Variants in OPA1 observed in about 807,000 individuals in gnomAD.
OPA1 encodes the protein OPA1 mitochondrial dynamin like GTPase, also known as dynamin-like GTPase OPA1, mitochondrial.
A neutral mutation model predicts 152.9 loss-of-function variants in OPA1; 59 were observed. That is an observed-to-expected ratio of 0.39 (90% CI 0.31 to 0.48). The LOEUF is 0.48. Ranked by LOEUF, OPA1 falls within the 20% of genes least tolerant of loss-of-function variation. OPA1 has a pLI of 0.96. For missense variants in OPA1, 1,008 were observed against 1,216.8 expected, an observed-to-expected ratio of 0.83 and a Z score of 2.55; for synonymous variants, 400 against 389.9, an observed-to-expected ratio of 1.03 and a Z score of -0.31.
intron 26 of OPA1, among the ~76,000 whole-genome samples, chr3:193,664,255 CTAA>C (rs1354744532): frequency 6.6e-6 from 1 of 152,016 alleles, no homozygotes; most frequent in Non-Finnish European, 1.5e-5. Flanking sequence ...ATTATATTAG[CTAA>C]TAATATGTCC....
intron 19 of OPA1, 86 bp downstream of exon 19, chr3:193,647,266 T>C: frequency 1.2e-6 from 1 of 822,286 alleles, no homozygotes; most frequent in East Asian, 2.7e-5. Context: ...CTGTACTTCT[T>C]TCCTTTAACA....
intron 2 of OPA1, 150 bp from the exon 3 acceptor site, chr3:193,615,524 G>C: frequency 1.5e-6 from 1 of 654,948 alleles, no homozygotes; most frequent in Non-Finnish European, 2.7e-6. Context: ...TTATATGCTT[G>C]TTTGCTGAGA....
At chr3:193,596,892 C>G (rs927647005) in intron 1 of OPA1, 2 of 152,144 alleles carry the variant, frequency 1.3e-5, no homozygotes, top group African/African-American at 4.8e-5. Context: ...TTGTGAATTC[C>G]CTATTAACAC....
At chr3:193,616,875 G>A (rs554439646) in intron 3 of OPA1, among the ~76,000 whole-genome samples, 14 of 152,262 alleles carry the variant, frequency 9.2e-5, no homozygotes, top group South Asian at 8.3e-4. Context: ...TGCAAAAAAA[G>A]CACACTTTCA....
intron 1 of OPA1, among the ~76,000 whole-genome samples, chr3:193,602,198 C>T (rs936106189): frequency 4.6e-5 from 7 of 152,102 alleles, no homozygotes; most frequent in East Asian, 1.9e-4. Context: ...AAGTCTCCAA[C>T]GGGTATATAG....
In OPA1 at chr3:193,655,009, T is replaced by C. The variant is rs754247435; in HGVS notation, c.2160T>C (p.Leu720=). ...TTAAACAGTGGACTGATAAACAACTTCCTAATAAAGCAGTAGAGGTTAGGA... is the reference window on the plus strand; with the variant it reads ...TTAAACAGTGGACTGATAAACAACTCCCTAATAAAGCAGTAGAGGTTAGGA... ...IKLKQWTDKQ[L]PNKAVEVAWE... is the part of the protein sequence containing the mutation. Residue 720 remains leucine (L), a synonymous_variant, in exon 22 of 31, where the codon CTT becomes CTC. Transcript: ENST00000361510. The C allele has an allele frequency of 3.1e-6, 5 of 1,613,830 alleles. No homozygotes were observed. The highest frequency in any genetic ancestry group is 3.4e-6 in the Non-Finnish European group (4 of 1,179,878).
chr3:193,616,188 T>A (rs1210988012), intron 3 of OPA1, among the ~76,000 whole-genome samples: 4 of 152,118 alleles, frequency 2.6e-5, no homozygotes, highest in Admixed American at 6.5e-5. Flanking sequence ...ATTTTTTAAT[T>A]TCTTGTAGAG....
intron 1 of OPA1, among the ~76,000 whole-genome samples, chr3:193,609,556 C>G (rs1727853852): frequency 6.6e-6 from 1 of 152,144 alleles, no homozygotes; most frequent in Non-Finnish European, 1.5e-5. Context: ...GTGGCATTCT[C>G]TGTGTTTCCT....
intron 30 of OPA1, 139 bp downstream of exon 30, chr3:193,692,271 G>A (rs1193495525): frequency 1.6e-6 from 1 of 639,690 alleles, no homozygotes; most frequent in African/African-American, 1.8e-5. Context: ...TCTGAAACTA[G>A]CTTCCGAATT....
chr3:193,670,864 A>G (rs1717771522), intron 29 of OPA1, among the ~76,000 whole-genome samples: 2 of 152,170 alleles, frequency 1.3e-5, no homozygotes, highest in South Asian at 4.2e-4. Context: ...GGTAGATTCC[A>G]TAGCTGGAGC....
chr3:193,627,871 A>G (rs1278918714), intron 7 of OPA1, among the ~76,000 whole-genome samples: 1 of 152,168 alleles, frequency 6.6e-6, no homozygotes, highest in Non-Finnish European at 1.5e-5. Flanking sequence ...TTTGTAAATT[A>G]GAGACTGGCA....
intron 6 of OPA1, among the ~76,000 whole-genome samples, chr3:193,620,285 T>C (rs993408922): frequency 2.6e-5 from 4 of 152,176 alleles, no homozygotes; most frequent in East Asian, 1.9e-4. Context: ...GCTTTCTCTC[T>C]TATGGCCTAG....
intron 4 of OPA1, 41 bp downstream of exon 4, chr3:193,617,326 A>C (rs1729194578): frequency 8.5e-7 from 1 of 1,183,396 alleles, no homozygotes; most frequent in Non-Finnish European, 1.3e-6. Context: ...AAATTTAAGA[A>C]CCATGGAGGA....
chr3:193,641,776 A>G (rs7630464), intron 11 of OPA1, among the ~76,000 whole-genome samples: 57,693 of 152,174 alleles, frequency 0.38, 11,792 homozygotes, highest in African/African-American at 0.53. Flanking sequence ...TCAATTAGGC[A>G]TTTAGAAGTT....
chr3:193,643,916 T>A, intron 15 of OPA1, 59 bp from the exon 16 acceptor site: 1 of 1,569,482 alleles, frequency 6.4e-7, no homozygotes, highest in African/African-American at 1.3e-5. Context: ...TTGTACTGAG[T>A]TTTAAAAGTC....
chr3:193,622,062 A>G (rs1297901930), intron 6 of OPA1, among the ~76,000 whole-genome samples: 1 of 152,122 alleles, frequency 6.6e-6, no homozygotes, highest in Non-Finnish European at 1.5e-5. Context: ...CACAGAAGTA[A>G]GAAATATGGC....
chr3:193,608,703 T>TA (rs1727680302), intron 1 of OPA1, among the ~76,000 whole-genome samples: 2 of 152,164 alleles, frequency 1.3e-5, no homozygotes. Context: ...GAGAGTTCTG[T>TA]AGATGTGTAT....
chr3:193,668,142 C>G (rs74548593), intron 29 of OPA1, among the ~76,000 whole-genome samples: 9,536 of 152,226 alleles, frequency 0.063, 375 homozygotes, highest in Non-Finnish European at 0.087. Flanking sequence ...GCTGATACTT[C>G]CCATTTTAAT....
In OPA1 at chr3:193,643,798, G is replaced by A. The variant is rs1734134151; in HGVS notation, c.1477+171G>A. The stretch of plus-strand genomic sequence containing the variant: ...ATTGAAGTTGAAATTATTTTGATAA[G>A]TTTTACATAAGCATCATTGAAATTT... On this transcript the variant is annotated intron_variant, in intron 15 of 30. Coordinates refer to ENST00000361510, the MANE Select transcript of OPA1 (RefSeq NM_130837.3). Among the ~76,000 whole-genome samples, 3 of 152,206 alleles carry A rather than the reference G, an allele frequency of 2.0e-5. No individual in the cohort carries two copies. The South Asian group carries it at 6.2e-4, about 32-fold the overall frequency.
Sources: allele counts gnomAD v4.1 joint callset (sites outside exome capture counted in the v4.1 genomes callset), GRCh38; gene constraint gnomAD v4.1.1; transcripts MANE v1.5; gene names NCBI Gene and HGNC (gene_info 2026-07-23, HGNC 2026-07-21).